Variants in CFAP47 observed in about 807,000 individuals in gnomAD.
CFAP47 encodes the protein cilia and flagella associated protein 47, also known as cilia- and flagella-associated protein 47.
A neutral mutation model predicts 148.1 loss-of-function variants in CFAP47; 29 were observed. That is an observed-to-expected ratio of 0.20 (90% CI 0.15 to 0.27). CFAP47 has a LOEUF of 0.27. Among genes scored for constraint, CFAP47 ranks in the 10% least tolerant of loss-of-function variants. The pLI is 1.00. For missense variants in CFAP47, 1,872 were observed against 1,697.5 expected (o/e 1.10, Z -1.81); for synonymous variants, 664 against 577.3 (o/e 1.15, Z -2.15).
chrX:36,306,712 C>A, intron 54 of CFAP47, 60 bp from the exon 55 acceptor site: 1 of 658,344 alleles, frequency 1.5e-6, no homozygotes, highest in Non-Finnish European at 2.3e-6. Flanking sequence ...CACAAAGATA[C>A]CAACTCAAGC....
chrX:36,114,176 G>T (rs1938601193), intron 33 of CFAP47, among the ~76,000 whole-genome samples: 1 of 111,423 alleles, frequency 9.0e-6, no homozygotes, highest in African/African-American at 3.3e-5. Context: ...TGAAATTTTT[G>T]TAGTATGTTT....
chrX:36,119,311 T>C (rs891420198), intron 33 of CFAP47, among the ~76,000 whole-genome samples: 1 of 112,142 alleles, frequency 8.9e-6, no homozygotes, highest in South Asian at 3.7e-4. Context: ...TCAGCATCAA[T>C]TGAAATGGTA....
chrX:36,043,833 A>G (rs1446161486), intron 25 of CFAP47, among the ~76,000 whole-genome samples: 4 of 112,682 alleles, frequency 3.5e-5, no homozygotes, highest in Non-Finnish European at 5.6e-5. Flanking sequence ...TCTGTGTGGC[A>G]CATACAACCC....
intron 61 of CFAP47, among the ~76,000 whole-genome samples, chrX:36,363,063 C>T (rs2055863074): frequency 9.0e-6 from 1 of 111,440 alleles, no homozygotes; most frequent in Admixed American, 9.5e-5. Flanking sequence ...GGATTTAGAA[C>T]ATCTTGGTGA....
chrX:36,289,604 A>C (rs1941172804), intron 51 of CFAP47, among the ~76,000 whole-genome samples: 1 of 111,567 alleles, frequency 9.0e-6, no homozygotes, highest in Non-Finnish European at 1.9e-5. Context: ...ATTATGATAA[A>C]ATCTCATCTC....
intron 30 of CFAP47, among the ~76,000 whole-genome samples, chrX:36,089,390 AAAAG>A (rs1464300639): frequency 8.9e-6 from 1 of 111,810 alleles, no homozygotes; most frequent in East Asian, 2.8e-4. Context: ...AAAAAGGAAA[AAAAG>A]AAAATAAAAA....
intron 48 of CFAP47, among the ~76,000 whole-genome samples, chrX:36,245,571 A>G (rs781854571): frequency 8.9e-6 from 1 of 111,732 alleles, no homozygotes; most frequent in Admixed American, 9.5e-5. Context: ...CAAATCAAGA[A>G]CACATTCCAA....
chrX:36,364,472 A>C (rs903326428), intron 61 of CFAP47, among the ~76,000 whole-genome samples: 3 of 107,442 alleles, frequency 2.8e-5, no homozygotes, highest in Non-Finnish European at 5.7e-5. Flanking sequence ...AAATAAATAA[A>C]TAAATAAAGG....
At chrX:36,231,343 G>A (rs1454167531) in intron 46 of CFAP47, among the ~76,000 whole-genome samples, 5 of 105,099 alleles carry the variant, frequency 4.8e-5, no homozygotes, top group East Asian at 6.0e-4. Flanking sequence ...TTGTAAGTTG[G>A]ATTCCTAGGT....
intron 51 of CFAP47, among the ~76,000 whole-genome samples, chrX:36,295,881 T>C (rs1941237592): frequency 1.8e-5 from 2 of 112,200 alleles, no homozygotes; most frequent in Admixed American, 1.9e-4. Context: ...AGATACTTTC[T>C]ACCATCCTAG....
At chrX:36,112,446 A>G (rs1253792575) in intron 33 of CFAP47, among the ~76,000 whole-genome samples, 1 of 111,633 alleles carries the variant, frequency 9.0e-6, no homozygotes, top group Non-Finnish European at 1.9e-5. Context: ...TTCTAATTTT[A>G]TTACTCTGTG....
chrX:36,030,073 C>T (rs1937263842), intron 22 of CFAP47, among the ~76,000 whole-genome samples: 2 of 109,973 alleles, frequency 1.8e-5, no homozygotes, highest in Non-Finnish European at 3.8e-5. Flanking sequence ...TCTATTGACC[C>T]TTGCCTGTTT....
At chrX:36,350,200 T>C in intron 59 of CFAP47, 68 bp downstream of exon 59, 2 of 741,391 alleles carry the variant, frequency 2.7e-6, no homozygotes, top group Non-Finnish European at 4.0e-6. Context: ...TATTCCCATC[T>C]TTTTTGTTTG....
chrX:35,984,718 A>G (rs1936691855), intron 15 of CFAP47, among the ~76,000 whole-genome samples: 1 of 112,102 alleles, frequency 8.9e-6, no homozygotes, highest in Admixed American at 9.5e-5. Context: ...CCCAAAAGTC[A>G]TTCAGGAGCA....
chrX:36,099,971 A>C (rs1472542969), intron 32 of CFAP47, 92 bp downstream of exon 32: 2 of 487,620 alleles, frequency 4.1e-6, no homozygotes, highest in African/African-American at 5.0e-5. Context: ...TGAAAGATTC[A>C]AAAACACAGT....
At chrX:36,323,899 A>G (rs1941497486) in intron 57 of CFAP47, among the ~76,000 whole-genome samples, 2 of 111,401 alleles carry the variant, frequency 1.8e-5, no homozygotes, top group South Asian at 7.4e-4. Flanking sequence ...TTAAGCAAAT[A>G]TATATTTCTA....
intron 45 of CFAP47, among the ~76,000 whole-genome samples, chrX:36,218,996 T>C (rs1271393853): frequency 1.8e-5 from 2 of 111,526 alleles, no homozygotes; most frequent in East Asian, 5.7e-4. Flanking sequence ...TCTTGTTATG[T>C]AGATGAAGCC....
chrX:36,228,642 G>A lies in CFAP47; in HGVS notation c.6832G>A (p.Val2278Ile). ...LSKAKASDGSVPLPLQFLPLQ... is the reference protein window; with the variant it reads ...LSKAKASDGSIPLPLQFLPLQ... ...TATTTTGATAGCTTCAGATGGATCT[G>A]TTCCACTTCCTTTGCAATTTCTTCC... is the stretch of plus-strand genomic sequence containing the variant. The change falls in exon 46 of 64, where the codon GTT becomes ATT. Residue 2278 changes from valine (V) to isoleucine (I), a missense_variant. Coordinates refer to ENST00000378653, the MANE Select transcript of CFAP47 (RefSeq NM_001304548.2). 1 of 524,745 alleles carries A rather than the reference G, an allele frequency of 1.9e-6. No individual in the cohort carries two copies. The allele number at this position is 524,745 out of a possible 1,213,427, so 43.2% of individuals were successfully genotyped here. A position where few individuals can be genotyped will look rare whatever the true frequency, so the allele number is the denominator to read the frequency against.
chrX:36,357,547 C>T (rs1458035790), intron 60 of CFAP47, among the ~76,000 whole-genome samples: 1 of 112,258 alleles, frequency 8.9e-6, no homozygotes. Flanking sequence ...TAGCAAAACA[C>T]ATACTCTGTT....
Sources: gnomAD v4.1 joint callset for allele counts (sites outside exome capture counted in the v4.1 genomes callset) on GRCh38, gnomAD v4.1.1 for gene constraint, MANE v1.5 for transcripts, NCBI Gene and HGNC (gene_info 2026-07-23, HGNC 2026-07-21) for gene names.